The following TBRG4 variants were observed in gnomAD, a reference collection of about 807,000 sequenced individuals.
The protein encoded by TBRG4 is FAST kinase domain-containing protein 4.
A neutral mutation model predicts 65.6 loss-of-function variants in TBRG4; 43 were observed. The ratio of observed to expected loss-of-function variants is 0.66; its 90% CI spans 0.51 to 0.85. The LOEUF is 0.85. Among genes scored for constraint, TBRG4 ranks in the 40% least tolerant of loss-of-function variants. The probability of loss-of-function intolerance (pLI) is 0.00; values close to 1 mark genes in which losing one functional copy is unlikely to be tolerated. For missense variants in TBRG4, 709 were observed against 787.9 expected (o/e 0.90, Z 1.20); for synonymous variants, 366 against 341.4 (o/e 1.07, Z -0.79).
intron 3 of TBRG4, chr7:45,104,941 G>A: frequency 1.2e-6 from 1 of 802,346 alleles, no homozygotes; most frequent in Non-Finnish European, 2.2e-6. Flanking sequence ...CAGGTCCCAG[G>A]GTAGGTGACC....
At chr7:45,102,570 T>C (rs1385779153) in intron 6 of TBRG4, 79 bp from the exon 7 acceptor site, 19 of 1,552,004 alleles carry the variant, frequency 1.2e-5, no homozygotes, top group Middle Eastern at 2.4e-4. Flanking sequence ...ACACAATCCA[T>C]GATGTGGTCT....
At chr7:45,101,097 TA>T (rs1196783121) in intron 10 of TBRG4, among the ~76,000 whole-genome samples, 160 bp downstream of exon 10, 2 of 152,198 alleles carry the variant, frequency 1.3e-5, no homozygotes, top group Non-Finnish European at 1.5e-5. Flanking sequence ...CTGGAGCAGC[TA>T]GGATCCACAG....
rs1452002198 is a variant in TBRG4, at chr7:45,104,589, T to A, written c.856A>T (p.Lys286Ter). 1 of 1,613,928 alleles carries A rather than the reference T, an allele frequency of 6.2e-7. No homozygotes were observed. Among genetic ancestry groups the A allele is most frequent in the Non-Finnish European group, 8.5e-7 (1 of 1,179,990 alleles). ...ACATCTTTCGTCAGAGAGAAGGGCTTCTGCACCAGGTGGTAGGAGATGGCC... is the reference window on the plus strand; with the variant it reads ...ACATCTTTCGTCAGAGAGAAGGGCTACTGCACCAGGTGGTAGGAGATGGCC... Reference protein sequence around the residue: ...LRAISYHLVQKPFSLTKDVLL... With the variant: ...LRAISYHLVQ The change falls in exon 4 of 11, where the codon AAG becomes TAG. Residue 286 changes from lysine to a stop codon, truncating the protein, a stop_gained. Coordinates refer to ENST00000258770, the MANE Select transcript of TBRG4 (RefSeq NM_004749.4). LOFTEE classifies it high-confidence loss of function.
chr7:45,108,412 G>A (rs1305894810), intron 2 of TBRG4, among the ~76,000 whole-genome samples: 5 of 152,198 alleles, frequency 3.3e-5, no homozygotes, highest in East Asian at 1.9e-4. Flanking sequence ...TCATGCCCAC[G>A]TCTGTCTCAA....
intron 1 of TBRG4, 146 bp downstream of exon 1, chr7:45,111,497 G>T: frequency 1.0e-6 from 1 of 1,000,648 alleles, no homozygotes; most frequent in Non-Finnish European, 1.4e-6. Flanking sequence ...AGCACGGAAC[G>T]AGCAGACGGC....
At chr7:45,103,511 G>T in intron 5 of TBRG4, 68 bp from the exon 6 acceptor site, 1 of 1,149,392 alleles carries the variant, frequency 8.7e-7, no homozygotes, top group Non-Finnish European at 1.2e-6. Context: ...CTCCTGCCTG[G>T]CTCTGAGTCT....
chr7:45,105,176 G>C, intron 3 of TBRG4: 1 of 623,096 alleles, frequency 1.6e-6, no homozygotes, highest in Non-Finnish European at 2.9e-6. Flanking sequence ...TGGGGTTTGG[G>C]GGAAAGATAA....
chr7:45,103,552 C>G (rs1784838689), intron 5 of TBRG4, 109 bp from the exon 6 acceptor site: 7 of 811,634 alleles, frequency 8.6e-6, no homozygotes, highest in Non-Finnish European at 1.4e-5. Flanking sequence ...GGGGCAATGG[C>G]AGGACCCTCC....
intron 1 of TBRG4, 75 bp downstream of exon 1, chr7:45,111,568 C>A (rs1305406409): frequency 3.9e-6 from 5 of 1,285,716 alleles, no homozygotes; most frequent in Non-Finnish European, 4.1e-6. Flanking sequence ...ATCCCAGGAC[C>A]TTCCCAGCCA....
intron 5 of TBRG4, chr7:45,103,786 G>A (rs1157740195): frequency 1.9e-6 from 1 of 517,784 alleles, no homozygotes; most frequent in East Asian, 3.3e-5. Flanking sequence ...CTTTGCGAGG[G>A]GGATCAGTGA....
At chr7:45,101,436 G>A (rs957531215) in intron 9 of TBRG4, 64 bp from the exon 10 acceptor site, 4 of 1,604,838 alleles carry the variant, frequency 2.5e-6, no homozygotes, top group Admixed American at 1.7e-5. Flanking sequence ...GGGAAAGATG[G>A]AAAGCAAAGA....
chr7:45,101,853 C>A lies in TBRG4; in HGVS notation c.1539G>T (p.Glu513Asp). Residue 513 changes from glutamate (E) to aspartate (D), a missense_variant, in exon 8 of 11, where the codon GAG (glutamate) becomes GAT (aspartate). Transcript: ENST00000258770. ...GCACCCAGCCATACTGCGTGGCCAC[C>A]TCGAGGCTGCCCTTGTCGGCGCTCC... ...LLGSADKGSLEVATQYGWVLD... is the reference protein window; with the variant it reads ...LLGSADKGSLDVATQYGWVLD... 4 of 1,607,976 alleles carry A rather than the reference C, an allele frequency of 2.5e-6. No individual in the cohort carries two copies. Among genetic ancestry groups the A allele is most frequent in the Middle Eastern group, 1.7e-4 (1 of 5,766 alleles).
chr7:45,105,489 C>CA lies in TBRG4; in HGVS notation c.686dup (p.Met229IlefsTer29). On this transcript the variant is annotated frameshift_variant, in exon 3 of 11. Coordinates refer to ENST00000258770, the MANE Select transcript of TBRG4 (RefSeq NM_004749.4). LOFTEE classifies it high-confidence loss of function. Reference sequence around the variant, plus strand: ...GTGGCTCCGAGAGGTGTCCCACCTTCATCATGACGGTCACTAATGTGTGGG... The same window carrying CA: ...GTGGCTCCGAGAGGTGTCCCACCTTCAATCATGACGGTCACTAATGTGTGGG... The CA allele has an allele frequency of 6.2e-7, 1 of 1,613,752 alleles. No homozygotes were observed. Among genetic ancestry groups the CA allele is most frequent in the South Asian group, 1.1e-5 (1 of 91,018 alleles).
chr7:45,102,833 G>A (rs1784811363), intron 6 of TBRG4: 1 of 362,184 alleles, frequency 2.8e-6, no homozygotes, highest in Admixed American at 4.4e-5. Context: ...GACAAGGAAG[G>A]AGGAATCTCT....
chr7:45,104,828 G>T, intron 3 of TBRG4, 119 bp from the exon 4 acceptor site: 1 of 1,460,988 alleles, frequency 6.8e-7, no homozygotes, highest in Non-Finnish European at 9.4e-7. Flanking sequence ...TGTCAGACTG[G>T]GCCTGAGCTG....
chr7:45,101,421 C>A, intron 9 of TBRG4, 49 bp from the exon 10 acceptor site: 1 of 1,607,130 alleles, frequency 6.2e-7, no homozygotes. Flanking sequence ...CCCAGCCCCT[C>A]GGAGGGGAAA....
rs1057186614 is a variant in TBRG4 at position 45,105,651 on chromosome 7, G to A, written c.525C>T (p.Arg175=). 1.9e-6 allele frequency: 3 copies of A among 1,614,086 alleles called. No individual in the cohort carries two copies. The highest frequency in any genetic ancestry group is 2.5e-6 in the Non-Finnish European group (3 of 1,180,044). Residue 175 remains arginine, a synonymous_variant, in exon 3 of 11, where the codon CGC becomes CGT. Transcript: ENST00000258770. ...GGTGCTTGTACTTGAGCTTCCGCAT[G>A]CGCCAGCGGACCTCCTGCTCCACCG... ...LQSVEQEVRW[R]MRKLKYKHLA...
At chr7:45,108,089 C>T (rs1026356581) in intron 2 of TBRG4, among the ~76,000 whole-genome samples, 1 of 152,248 alleles carries the variant, frequency 6.6e-6, no homozygotes, top group Non-Finnish European at 1.5e-5. Flanking sequence ...TTGAAAAGCA[C>T]TCAGTTAGTG....
In TBRG4 at chr7:45,105,448, TC is replaced by T; in HGVS notation, c.727del (p.Glu243LysfsTer21). On this transcript the variant is annotated frameshift_variant, in exon 3 of 11. Transcript: ENST00000258770. LOFTEE classifies it high-confidence loss of function. ...HLSEPLMNRL[E>X]DKCLELVEHF... ...TGCTTTCAGGCCCAGTACCTTGTCTTCCAGGCGGTTCATTAGTGGCTCCGAG... is the reference window on the plus strand; with the variant it reads ...TGCTTTCAGGCCCAGTACCTTGTCTTCAGGCGGTTCATTAGTGGCTCCGAG... 6.3e-7 allele frequency: 1 copy of T among 1,598,714 alleles called. No individual in the cohort carries two copies. The highest frequency in any genetic ancestry group is 8.5e-7 in the Non-Finnish European group (1 of 1,170,648).
Sources: allele counts gnomAD v4.1 joint callset (sites outside exome capture counted in the v4.1 genomes callset), GRCh38; gene constraint gnomAD v4.1.1; transcripts MANE v1.5; gene names NCBI Gene and HGNC (gene_info 2026-07-23, HGNC 2026-07-21).